BACE2: variants seen among roughly 807,000 people sequenced by gnomAD.
The protein encoded by BACE2 is 56 kDa aspartic-like protease.
BACE2 carries 17 observed loss-of-function variants against 46.2 expected under a neutral mutation model. The observed-to-expected ratio is 0.37, with a 90% CI of 0.25 to 0.55. The LOEUF is 0.55. Among genes scored for constraint, BACE2 ranks in the 20% least tolerant of loss-of-function variants. The probability of loss-of-function intolerance (pLI) is 0.82; values close to 1 mark genes in which losing one functional copy is unlikely to be tolerated. For missense variants in BACE2, 595 were observed against 698.1 expected (o/e 0.85, Z 1.66); for synonymous variants, 277 against 295.9 (o/e 0.94, Z 0.66).
At chr21:41,210,853 G>GTTCAATATCCT (rs1209783349) in intron 1 of BACE2, among the ~76,000 whole-genome samples, 1 of 152,148 alleles carries the variant, frequency 6.6e-6, no homozygotes, top group Admixed American at 6.5e-5. Flanking sequence ...CGTGCATCAG[G>GTTCAATATCCT]ACCACCTTCA....
chr21:41,198,803 C>A (rs1176466720), intron 1 of BACE2, among the ~76,000 whole-genome samples: 1 of 152,080 alleles, frequency 6.6e-6, no homozygotes, highest in African/African-American at 2.4e-5. Context: ...ATAACCATCA[C>A]CCTTCTAGGC....
At chr21:41,198,719 T>C (rs1054496308) in intron 1 of BACE2, among the ~76,000 whole-genome samples, 1 of 152,166 alleles carries the variant, frequency 6.6e-6, no homozygotes. Context: ...TTTTTTGTTT[T>C]GTTTTGTTTT....
intron 1 of BACE2, among the ~76,000 whole-genome samples, chr21:41,188,991 G>A (rs994476810): frequency 9.2e-5 from 14 of 152,222 alleles, no homozygotes; most frequent in African/African-American, 3.4e-4. Context: ...TCTCGCTCCT[G>A]TGGCCAGGCA....
intron 2 of BACE2, among the ~76,000 whole-genome samples, chr21:41,229,338 A>G (rs79269758): frequency 0.015 from 2,295 of 152,324 alleles, 67 homozygotes; most frequent in African/African-American, 0.052. Context: ...TCATCTGTAG[A>G]TGCAAGATAC....
At chr21:41,239,364 T>G (rs1987225738) in intron 3 of BACE2, among the ~76,000 whole-genome samples, 1 of 152,114 alleles carries the variant, frequency 6.6e-6, no homozygotes, top group Non-Finnish European at 1.5e-5. Context: ...ATTCTCCCCA[T>G]TTTCTTTTTC....
intron 2 of BACE2, among the ~76,000 whole-genome samples, chr21:41,234,099 G>T (rs940318773): frequency 2.6e-5 from 4 of 152,116 alleles, no homozygotes; most frequent in Non-Finnish European, 5.9e-5. Flanking sequence ...TGAATCAAGG[G>T]GGCGGTTTTT....
intron 2 of BACE2, among the ~76,000 whole-genome samples, chr21:41,236,408 A>G (rs893750824): frequency 2.6e-5 from 4 of 151,960 alleles, no homozygotes; most frequent in Non-Finnish European, 5.9e-5. Context: ...CCATTCCCGC[A>G]TTCATTATCT....
intron 1 of BACE2, among the ~76,000 whole-genome samples, chr21:41,213,219 A>G (rs1986352410): frequency 6.6e-6 from 1 of 152,214 alleles, no homozygotes. Flanking sequence ...GGAAACCGGG[A>G]AACATTAGAG....
At chr21:41,237,952 T>C (rs992794251) in intron 3 of BACE2, among the ~76,000 whole-genome samples, 6 of 152,252 alleles carry the variant, frequency 3.9e-5, no homozygotes, top group African/African-American at 1.4e-4. Flanking sequence ...GCAATAGCAT[T>C]AACTTTTTGT....
chr21:41,225,598 G>A (rs1291919629), intron 1 of BACE2: 1 of 152,276 alleles, frequency 6.6e-6, no homozygotes, highest in African/African-American at 2.4e-5. Context: ...GAAAGTGGTT[G>A]CTTCTGGGGA....
intron 6 of BACE2, among the ~76,000 whole-genome samples, chr21:41,247,272 CAG>C (rs1004316818): frequency 2.0e-5 from 3 of 152,034 alleles, no homozygotes; most frequent in African/African-American, 4.8e-5. Context: ...GAAACGGACA[CAG>C]AGGGGGAATA....
chr21:41,251,325 C>T (rs1987631464), intron 7 of BACE2, among the ~76,000 whole-genome samples: 1 of 152,330 alleles, frequency 6.6e-6, no homozygotes, highest in South Asian at 2.1e-4. Flanking sequence ...TTCCATGATG[C>T]TGCCCAAACA....
chr21:41,226,345 A>G lies in BACE2; in HGVS notation c.392A>G (p.Asp131Gly). 6.2e-7 allele frequency: 1 copy of G among 1,613,938 alleles called. No individual in the cohort carries two copies. Among genetic ancestry groups the G allele is most frequent in the Non-Finnish European group, 8.5e-7 (1 of 1,179,952 alleles). The change falls in exon 2 of 9, where the codon GAC (aspartate) becomes GGC (glycine). Residue 131 changes from aspartate (D) to glycine (G), a missense_variant. Asp to Gly is a moderately conservative substitution (Grantham distance 94, BLOSUM62 -1). Around this residue, in one of 3 missense-constraint regions of BACE2, gnomAD observed 248 missense variants for 261.4 expected, o/e 0.95. Coordinates refer to ENST00000330333, the MANE Select transcript of BACE2 (RefSeq NM_012105.5). The part of the protein sequence containing the change: ...TPHSYIDTYF[D>G]TERSSTYRSK... ...CACTCCTACATAGACACGTACTTTGACACAGAGAGGTAAGCGCTGGCCCCT... is the reference window on the plus strand; with the variant it reads ...CACTCCTACATAGACACGTACTTTGGCACAGAGAGGTAAGCGCTGGCCCCT...
intron 1 of BACE2, among the ~76,000 whole-genome samples, chr21:41,197,628 A>C (rs1417907922): frequency 6.6e-6 from 1 of 152,034 alleles, no homozygotes; most frequent in Non-Finnish European, 1.5e-5. Context: ...ACCTATGTAA[A>C]AATCTTCCAA....
At chr21:41,263,247 T>G (rs1399686762) in intron 8 of BACE2, among the ~76,000 whole-genome samples, 2 of 152,166 alleles carry the variant, frequency 1.3e-5, no homozygotes, top group Admixed American at 1.3e-4. Flanking sequence ...ATTAAGCATA[T>G]GCCTACTCTA....
chr21:41,238,219 G>A (rs1363238423), intron 3 of BACE2, among the ~76,000 whole-genome samples: 2 of 152,222 alleles, frequency 1.3e-5, no homozygotes, highest in Non-Finnish European at 2.9e-5. Context: ...GGGAATATGG[G>A]CAGCCTGAAG....
intron 1 of BACE2, among the ~76,000 whole-genome samples, chr21:41,171,145 C>T (rs1414124445): frequency 6.6e-6 from 1 of 152,368 alleles, no homozygotes; most frequent in East Asian, 1.9e-4. Context: ...GAACCCTGAA[C>T]GTACACCCCA....
intron 7 of BACE2, among the ~76,000 whole-genome samples, chr21:41,255,790 G>T (rs193167067): frequency 1.3e-5 from 2 of 152,070 alleles, no homozygotes; most frequent in East Asian, 1.9e-4. Flanking sequence ...TGGGGAGTCC[G>T]CTCTACACAC....
chr21:41,182,155 C>T (rs1985153519), intron 1 of BACE2: 1 of 167,098 alleles, frequency 6.0e-6, no homozygotes, highest in South Asian at 2.1e-4. Context: ...ATTACCTCTT[C>T]TGGCTGAGTG....
Sources: gnomAD v4.1 joint callset for allele counts (sites outside exome capture counted in the v4.1 genomes callset) on GRCh38, gnomAD v4.1.1 for gene constraint, gnomAD v4.1.1 regional missense constraint, MANE v1.5 for transcripts, NCBI Gene and HGNC (gene_info 2026-07-23, HGNC 2026-07-21) for gene names.